GRM7: variants seen among roughly 807,000 people sequenced by gnomAD.
GRM7 encodes glutamate metabotropic receptor 7, also known as metabotropic glutamate receptor 7.
A neutral mutation model predicts 84.5 loss-of-function variants in GRM7; 35 were observed. The ratio of observed to expected loss-of-function variants is 0.41; its 90% CI spans 0.32 to 0.55. GRM7 has a LOEUF of 0.55. GRM7 is among the 20% of genes least tolerant of loss of function. The pLI is 0.19. For missense variants in GRM7, 1,003 were observed against 1,194.6 expected, an observed-to-expected ratio of 0.84 and a Z score of 2.36; for synonymous variants, 487 against 455.1, an observed-to-expected ratio of 1.07 and a Z score of -0.89.
chr3:7,041,220 T>C (rs1696600142), intron 1 of GRM7, among the ~76,000 whole-genome samples: 1 of 152,158 alleles, frequency 6.6e-6, no homozygotes. Context: ...TGTATACATA[T>C]CACCACAATC....
intron 2 of GRM7, among the ~76,000 whole-genome samples, chr3:7,180,538 C>T (rs1018985429): frequency 6.6e-6 from 1 of 152,116 alleles, no homozygotes; most frequent in African/African-American, 2.4e-5. Flanking sequence ...ATAATTTGTT[C>T]ATATCACAGT....
chr3:7,064,457 T>TAC (rs1697554219), intron 1 of GRM7, among the ~76,000 whole-genome samples: 1 of 81,278 alleles, frequency 1.2e-5, no homozygotes, highest in African/African-American at 8.2e-5. Flanking sequence ...TGTATGGATA[T>TAC]ATATACATAT....
chr3:7,006,193 C>T (rs930408148), intron 1 of GRM7, among the ~76,000 whole-genome samples: 9 of 152,078 alleles, frequency 5.9e-5, no homozygotes, highest in East Asian at 3.8e-4. Flanking sequence ...ATTGAAGGAC[C>T]GCTGGTCTAC....
chr3:7,084,022 T>C (rs1310971236), intron 1 of GRM7, among the ~76,000 whole-genome samples: 4 of 152,106 alleles, frequency 2.6e-5, no homozygotes, highest in Admixed American at 6.6e-5. Context: ...TAAGGTCATG[T>C]AGATGATTAT....
chr3:7,729,481 G>T (rs915623179), intron 9 of GRM7, among the ~76,000 whole-genome samples: 2 of 152,094 alleles, frequency 1.3e-5, no homozygotes, highest in African/African-American at 4.8e-5. Context: ...CTTTTTACAG[G>T]CATTTGTCAG....
chr3:7,559,933 G>A (rs1298726921), intron 7 of GRM7, among the ~76,000 whole-genome samples: 3 of 151,886 alleles, frequency 2.0e-5, no homozygotes, highest in Admixed American at 6.6e-5. Context: ...ACCTTCTTTT[G>A]TGGACACCAG....
At chr3:7,146,109 G>A (rs915630605) in intron 1 of GRM7, among the ~76,000 whole-genome samples, 1 of 151,872 alleles carries the variant, frequency 6.6e-6, no homozygotes, top group Admixed American at 6.6e-5. Context: ...TATTTCTATT[G>A]GTTTATAAGT....
chr3:7,426,086 A>G (rs1179128724), intron 5 of GRM7, among the ~76,000 whole-genome samples: 1 of 140,980 alleles, frequency 7.1e-6, no homozygotes, highest in Admixed American at 7.1e-5. Flanking sequence ...TTCAGTGGCC[A>G]TATCATACGT....
intron 2 of GRM7, among the ~76,000 whole-genome samples, chr3:7,237,792 C>G (rs138674894): frequency 6.6e-6 from 1 of 152,150 alleles, no homozygotes; most frequent in African/African-American, 2.4e-5. Context: ...CCTTATTTGG[C>G]CCTACACACA....
intron 8 of GRM7, among the ~76,000 whole-genome samples, chr3:7,604,526 G>A (rs557959853): frequency 3.9e-5 from 6 of 152,212 alleles, no homozygotes; most frequent in African/African-American, 1.2e-4. Flanking sequence ...GCCAGAAAAT[G>A]ACATTCCATA....
At chr3:7,300,157 A>G (rs1304038796) in intron 3 of GRM7, among the ~76,000 whole-genome samples, 3 of 152,152 alleles carry the variant, frequency 2.0e-5, no homozygotes, top group Non-Finnish European at 2.9e-5. Context: ...ATCTTTGTCT[A>G]TCTTATAGTT....
At chr3:7,243,910 C>T (rs1464836248) in intron 2 of GRM7, among the ~76,000 whole-genome samples, 1 of 151,884 alleles carries the variant, frequency 6.6e-6, no homozygotes, top group Non-Finnish European at 1.5e-5. Flanking sequence ...TGTGTTCAAA[C>T]AAATCTAAAC....
intron 8 of GRM7, among the ~76,000 whole-genome samples, chr3:7,629,636 C>A (rs1697778697): frequency 6.6e-6 from 1 of 152,146 alleles, no homozygotes; most frequent in South Asian, 2.1e-4. Context: ...ACAACTTCAT[C>A]CATAGCAATT....
intron 1 of GRM7, among the ~76,000 whole-genome samples, chr3:6,952,376 C>G (rs527607355): frequency 2.6e-5 from 4 of 152,194 alleles, no homozygotes; most frequent in Non-Finnish European, 5.9e-5. Context: ...CATGCATGCA[C>G]CAAACAGCAC....
chr3:7,212,643 A>C (rs1020278679), intron 2 of GRM7, among the ~76,000 whole-genome samples: 2 of 152,244 alleles, frequency 1.3e-5, no homozygotes, highest in African/African-American at 4.8e-5. Context: ...AGCTGAAAGA[A>C]AACTTTATCT....
intron 4 of GRM7, among the ~76,000 whole-genome samples, chr3:7,326,040 C>A (rs1048159602): frequency 6.7e-6 from 1 of 149,908 alleles, no homozygotes; most frequent in Non-Finnish European, 1.5e-5. Flanking sequence ...ACCCCTTCTA[C>A]ACCTCCCCGC....
chr3:7,011,639 A>T (rs1007225143), intron 1 of GRM7, among the ~76,000 whole-genome samples: 3 of 152,212 alleles, frequency 2.0e-5, no homozygotes, highest in Non-Finnish European at 4.4e-5. Context: ...AATCTGTTTT[A>T]TCTGAAATGG....
intron 1 of GRM7, among the ~76,000 whole-genome samples, chr3:7,051,548 T>G (rs903439331): frequency 2.2e-4 from 33 of 151,772 alleles, no homozygotes; most frequent in Non-Finnish European, 1.5e-5. Context: ...TTGAACTGAT[T>G]TTTCTTTTTA....
At chr3:7,070,884 G>T (rs888747112) in intron 1 of GRM7, among the ~76,000 whole-genome samples, 1 of 152,110 alleles carries the variant, frequency 6.6e-6, no homozygotes, top group African/African-American at 2.4e-5. Flanking sequence ...TACTCTATCA[G>T]CTGGCTCATG....
Sources: gnomAD v4.1 joint callset for allele counts (sites outside exome capture counted in the v4.1 genomes callset) on GRCh38, gnomAD v4.1.1 for gene constraint, MANE v1.5 for transcripts, NCBI Gene and HGNC (gene_info 2026-07-23, HGNC 2026-07-21) for gene names.